PSMC3IP: variants seen among roughly 807,000 people sequenced by gnomAD.
PSMC3IP encodes the protein PSMC3 interacting protein.
PSMC3IP carries 26 observed loss-of-function variants against 34.9 expected under a neutral mutation model. The ratio of observed to expected loss-of-function variants is 0.74; its 90% CI spans 0.55 to 1.03. The LOEUF (loss-of-function observed/expected upper bound fraction) is 1.03. Among genes scored for constraint, PSMC3IP ranks in the 50% least tolerant of loss-of-function variants. The probability of loss-of-function intolerance (pLI) is 0.00; values close to 1 mark genes in which losing one functional copy is unlikely to be tolerated. For missense variants in PSMC3IP, 250 were observed against 263.1 expected, an observed-to-expected ratio of 0.95 and a Z score of 0.34; for synonymous variants, 87 against 96.5, an observed-to-expected ratio of 0.90 and a Z score of 0.57.
At chr17:42,577,088 A>T in intron 3 of PSMC3IP, 125 bp downstream of exon 3, 2 of 1,552,598 alleles carry the variant, frequency 1.3e-6, no homozygotes, top group South Asian at 2.4e-5. Flanking sequence ...ACCTTGATTT[A>T]AGGATGGTGG....
rs2093041637 is a variant in PSMC3IP, at chr17:42,572,707, T to A, written c.*261A>T. ...TTATAATAAATATTGCCAAATGCTT[T>A]CCTTTAGCATTGTTCCAAGTCTAAA... On this transcript the variant is annotated 3_prime_UTR_variant, in exon 8 of 8. Coordinates refer to ENST00000393795, the MANE Select transcript of PSMC3IP (RefSeq NM_016556.4). 1.8e-6 allele frequency: 1 copy of A among 567,190 alleles called. No homozygotes were observed. 35.1% of individuals were successfully genotyped at this position (567,190 alleles called of 1,614,324 possible).
intron 3 of PSMC3IP, 194 bp from the exon 4 acceptor site, chr17:42,574,404 A>G (rs567686586): frequency 1.5e-6 from 2 of 1,354,506 alleles, no homozygotes; most frequent in South Asian, 2.9e-5. Context: ...CTAAAAAGGT[A>G]GGAAAGAAAA....
chr17:42,577,756 A>C (rs752276800), upstream of PSMC3IP: 13 of 1,591,946 alleles, frequency 8.2e-6, no homozygotes, highest in Non-Finnish European at 1.1e-5. Context: ...CCTTCCGGCG[A>C]CGGGGGCGGG....
At chr17:42,574,808 C>T (rs988023795) in intron 3 of PSMC3IP, among the ~76,000 whole-genome samples, 5 of 152,070 alleles carry the variant, frequency 3.3e-5, no homozygotes, top group Admixed American at 6.5e-5. Flanking sequence ...GGCCAGAGTG[C>T]AGTGGTGCAA....
intron 4 of PSMC3IP, 183 bp from the exon 5 acceptor site, chr17:42,573,806 T>C (rs1364074381): frequency 4.6e-6 from 7 of 1,526,020 alleles, no homozygotes; most frequent in Non-Finnish European, 6.1e-6. Context: ...GTGGCGTGGG[T>C]GTGAGGTTGA....
chr17:42,576,517 T>C (rs916726948), intron 3 of PSMC3IP, among the ~76,000 whole-genome samples: 2 of 152,006 alleles, frequency 1.3e-5, no homozygotes, highest in East Asian at 3.9e-4. Context: ...ATGGAAAAAT[T>C]AGCCAGGCTC....
In PSMC3IP at chr17:42,573,998, G is replaced by A. The variant is rs758670328; in HGVS notation, c.337+101C>T. 9.6e-6 allele frequency: 15 copies of A among 1,559,834 alleles called. No homozygotes were observed. The African/African-American group carries it at 1.8e-4, about 18-fold the overall frequency. On this transcript the variant is annotated intron_variant, in intron 4 of 7. Coordinates refer to ENST00000393795, the MANE Select transcript of PSMC3IP (RefSeq NM_016556.4). The stretch of plus-strand genomic sequence containing the variant: ...GGAGCCCAGCAAAGGGGTCTTAGCT[G>A]CAACAAGATGCTGCAGTCATTGAAC...
rs1481715939 is a variant in PSMC3IP at position 42,577,716 on chromosome 17, C to T, written c.-30G>A. The T allele has an allele frequency of 1.2e-6, 2 of 1,613,630 alleles. No homozygotes were observed. Among genetic ancestry groups the T allele is most frequent in the African/African-American group, 1.3e-5 (1 of 74,912 alleles). ...TTTCCCGCCACCCAACTCAGAAAGC[C>T]GGACGTTGTAGTTGCTCGGGGCGAC... On this transcript the variant is annotated 5_prime_UTR_variant, in exon 1 of 8. Coordinates refer to ENST00000393795, the MANE Select transcript of PSMC3IP (RefSeq NM_016556.4).
chr17:42,577,150 C>T, intron 3 of PSMC3IP, 63 bp downstream of exon 3: 3 of 1,611,484 alleles, frequency 1.9e-6, no homozygotes, highest in South Asian at 1.1e-5. Flanking sequence ...AGAGTTCACA[C>T]CAGGAGTAGA....
chr17:42,573,779 T>A (rs1240146836), intron 4 of PSMC3IP, 156 bp from the exon 5 acceptor site: 1 of 1,501,608 alleles, frequency 6.7e-7, no homozygotes, highest in Non-Finnish European at 8.9e-7. Context: ...TAATTTTCTT[T>A]CCTCCTCCAT....
At chr17:42,573,451 C>T in intron 5 of PSMC3IP, 27 bp downstream of exon 5, 1 of 1,614,212 alleles carries the variant, frequency 6.2e-7, no homozygotes, top group Non-Finnish European at 8.5e-7. Context: ...TGGACCTGCA[C>T]AGCGGTCCTA....
At chr17:42,577,065 AAG>A (rs1441292493) in intron 3 of PSMC3IP, 146 bp downstream of exon 3, 2 of 1,527,226 alleles carry the variant, frequency 1.3e-6, no homozygotes, top group Non-Finnish European at 1.8e-6. Context: ...GGATCCTAAC[AAG>A]AGGAGTACAC....
At chr17:42,573,709 C>T in intron 4 of PSMC3IP, 86 bp from the exon 5 acceptor site, 1 of 1,564,494 alleles carries the variant, frequency 6.4e-7, no homozygotes, top group Non-Finnish European at 8.8e-7. Context: ...AGGTGTTCCA[C>T]CTTGCTCTGG....
intron 3 of PSMC3IP, chr17:42,576,966 A>G: frequency 1.2e-6 from 1 of 807,196 alleles, no homozygotes; most frequent in Non-Finnish European, 1.8e-6. Flanking sequence ...AAGGAATAAG[A>G]GCTTTGGAGC....
Position 42,573,955 on chromosome 17 carries a change from T to A in PSMC3IP, c.337+144A>T, listed in dbSNP as rs559464256. 2.9e-5 allele frequency: 45 copies of A among 1,537,612 alleles called. No homozygotes were observed. In the African/African-American group the frequency reaches 5.3e-4, roughly 18 times the overall value. On this transcript the variant is annotated intron_variant, in intron 4 of 7. Coordinates refer to ENST00000393795, the MANE Select transcript of PSMC3IP (RefSeq NM_016556.4). Reference sequence around the variant, plus strand: ...CACAAAAGCCGTTAGTTATCCTACATTTCTTTTTATGCCTAAGGGAGCCCA... The same window carrying A: ...CACAAAAGCCGTTAGTTATCCTACAATTCTTTTTATGCCTAAGGGAGCCCA...
At chr17:42,577,346 G>C (rs769298293) in intron 2 of PSMC3IP, 44 bp from the exon 3 acceptor site, 1 of 1,610,604 alleles carries the variant, frequency 6.2e-7, no homozygotes, top group South Asian at 1.1e-5. Flanking sequence ...GTCTGAGCCT[G>C]GGTCTGGGGA....
At chr17:42,575,506 C>A (rs977617847) in intron 3 of PSMC3IP, among the ~76,000 whole-genome samples, 22 of 152,162 alleles carry the variant, frequency 1.4e-4, no homozygotes, top group Middle Eastern at 3.2e-3. Context: ...AGAGAATTAT[C>A]TTTAGATGAG....
Position 42,577,228 on chromosome 17 carries a change from G to C in PSMC3IP, c.210C>G (p.Ile70Met), listed in dbSNP as rs765995941. The C allele has an allele frequency of 1.9e-6, 3 of 1,614,038 alleles. No individual in the cohort carries two copies. The highest frequency in any genetic ancestry group is 3.3e-4 in the Middle Eastern group (2 of 6,062). Residue 70 changes from isoleucine to methionine, a missense_variant, in exon 3 of 8, where the codon ATC becomes ATG. By Grantham distance (10) the Ile-to-Met change is conservative (BLOSUM62 1). Coordinates refer to ENST00000393795, the MANE Select transcript of PSMC3IP (RefSeq NM_016556.4). ...IKEKMYGKQK[I>M]YFADQDQFDM... is the part of the protein sequence containing the mutation. ...TTCTCCTCACCTGATCCGCAAAATA[G>C]ATCTTCTGCTTGCCGTACATCTTCT...
At chr17:42,575,304 T>C (rs2093068590) in intron 3 of PSMC3IP, among the ~76,000 whole-genome samples, 2 of 152,184 alleles carry the variant, frequency 1.3e-5, no homozygotes, top group Non-Finnish European at 2.9e-5. Flanking sequence ...ATGCATGTTT[T>C]TGAAAACAAA....
Sources: allele counts gnomAD v4.1 joint callset (sites outside exome capture counted in the v4.1 genomes callset), GRCh38; gene constraint gnomAD v4.1.1; transcripts MANE v1.5; gene names NCBI Gene and HGNC (gene_info 2026-07-23, HGNC 2026-07-21).